TSC1: variants seen among roughly 807,000 people sequenced by gnomAD.
TSC1 encodes TSC complex subunit 1.
In TSC1, 20 loss-of-function variants were observed where a neutral mutation model predicts 124.3. The observed-to-expected ratio is 0.16, with a 90% CI of 0.11 to 0.23. The LOEUF is 0.23. TSC1 is among the 10% of genes least tolerant of loss of function. TSC1 has a pLI of 1.00. For missense variants in TSC1, 1,124 were observed against 1,448.5 expected (o/e 0.78, Z 3.64); for synonymous variants, 493 against 539.1 (o/e 0.91, Z 1.19).
At chr9:132,920,867 G>A (rs1846513941) in intron 8 of TSC1, among the ~76,000 whole-genome samples, 1 of 151,974 alleles carries the variant, frequency 6.6e-6, no homozygotes, top group South Asian at 2.1e-4. Flanking sequence ...TCAAAGGTTC[G>A]GTTTTTCCAG....
rs1188864231 is a variant in TSC1 at position 132,893,923 on chromosome 9, C to A, written c.*2312G>T. ...TATCATGTCCAAAACCAAACCAAAC[C>A]TAACTACTGACTCTGGAGTTCTTTG... On this transcript the variant is annotated 3_prime_UTR_variant, in exon 23 of 23. Transcript: ENST00000298552. 1 of 233,188 alleles carries A rather than the reference C, an allele frequency of 4.3e-6. No individual in the cohort carries two copies. The highest frequency in any genetic ancestry group is 8.5e-6 in the Non-Finnish European group (1 of 118,054). 14.4% of individuals were successfully genotyped at this position (233,188 alleles called of 1,614,324 possible).
intron 12 of TSC1, among the ~76,000 whole-genome samples, chr9:132,908,523 G>A (rs1192647082): frequency 6.6e-6 from 1 of 152,088 alleles, no homozygotes; most frequent in Non-Finnish European, 1.5e-5. Flanking sequence ...CGTGATCATG[G>A]CTCACTGCAA....
chr9:132,923,603 T>G lies in TSC1; in HGVS notation c.364-111A>C. 1.4e-6 allele frequency: 2 copies of G among 1,452,110 alleles called. No homozygotes were observed. The highest frequency in any genetic ancestry group is 1.9e-6 in the Non-Finnish European group (2 of 1,042,276). 90.0% of individuals were successfully genotyped at this position (1,452,110 alleles called of 1,614,324 possible). On this transcript the variant is annotated intron_variant, in intron 5 of 22. Coordinates refer to ENST00000298552, the MANE Select transcript of TSC1 (RefSeq NM_000368.5). The surrounding 1 kb of genome is among the most constrained non-coding windows in gnomAD (Gnocchi z 4.2). ...CACTGAGAGAATCACAAATCACAAG[T>G]TGACTCACGTACTCATTTCCCTATC...
chr9:132,914,379 T>G (rs1846152011), intron 8 of TSC1, among the ~76,000 whole-genome samples: 1 of 152,124 alleles, frequency 6.6e-6, no homozygotes, highest in African/African-American at 2.4e-5. Context: ...GAATAACTAT[T>G]ATTACACCCC....
chr9:132,921,822 G>T lies in TSC1; in HGVS notation c.660C>A (p.Val220=), dbSNP rs1588346808. ...CAAACAAGCAGTTTCAATTTACCTTGACCACTTCTTCAAAAGTCTCCAGGT... is the reference window on the plus strand; with the variant it reads ...CAAACAAGCAGTTTCAATTTACCTTTACCACTTCTTCAAAAGTCTCCAGGT... ...KENLETFEEV[V]KPMMEHVRIH... is the part of the protein sequence containing the mutation. Residue 220 remains valine (V), a synonymous_variant, in exon 7 of 23, where the codon GTC becomes GTA. Coordinates refer to ENST00000298552, the MANE Select transcript of TSC1 (RefSeq NM_000368.5). The surrounding 1 kb of genome is among the most constrained non-coding windows in gnomAD (Gnocchi z 4.3). 1 of 1,614,074 alleles carries T rather than the reference G, an allele frequency of 6.2e-7. No individual in the cohort carries two copies. The highest frequency in any genetic ancestry group is 1.1e-5 in the South Asian group (1 of 91,032).
chr9:132,932,380 T>A (rs530363204), intron 2 of TSC1, among the ~76,000 whole-genome samples: 20 of 152,308 alleles, frequency 1.3e-4, no homozygotes, highest in Admixed American at 1.0e-3. Context: ...AACCCTTTGC[T>A]ATCACCTCAG....
chr9:132,907,168 G>A lies in TSC1; in HGVS notation c.1333+133C>T, dbSNP rs138642665. 6.7e-5 allele frequency: 52 copies of A among 775,796 alleles called. No individual in the cohort carries two copies. The East Asian group carries it at 6.9e-4, about 10-fold the overall frequency. 48.1% of individuals were successfully genotyped at this position (775,796 alleles called of 1,614,324 possible). The stretch of plus-strand genomic sequence containing the variant: ...GGTTGGTGTTTAGAATTCACTACTC[G>A]TTTCATTATGTTTAGGCCTCAGTAT... On this transcript the variant is annotated intron_variant, in intron 13 of 22. Coordinates refer to ENST00000298552, the MANE Select transcript of TSC1 (RefSeq NM_000368.5).
intron 1 of TSC1, among the ~76,000 whole-genome samples, chr9:132,937,021 A>C (rs977755902): frequency 1.3e-5 from 2 of 152,260 alleles, no homozygotes; most frequent in African/African-American, 4.8e-5. Context: ...TGGTCTCTTC[A>C]GTGGCACCTG....
In TSC1 at chr9:132,895,628, G is replaced by A. The variant is rs1335309013; in HGVS notation, c.*607C>T. On this transcript the variant is annotated 3_prime_UTR_variant, in exon 23 of 23. Coordinates refer to ENST00000298552, the MANE Select transcript of TSC1 (RefSeq NM_000368.5). Reference sequence around the variant, plus strand: ...ACAGAACTTTCTAGGAAGCTTATCAGAACTGCCAAAAGAATGCAAGTATGA... The same window carrying A: ...ACAGAACTTTCTAGGAAGCTTATCAAAACTGCCAAAAGAATGCAAGTATGA... The A allele has an allele frequency of 4.3e-6, 1 of 235,098 alleles. No individual in the cohort carries two copies. Among genetic ancestry groups the A allele is most frequent in the Non-Finnish European group, 8.4e-6 (1 of 119,364 alleles). 14.6% of individuals were successfully genotyped at this position (235,098 alleles called of 1,614,324 possible).
chr9:132,920,798 G>A (rs1019305582), intron 8 of TSC1, among the ~76,000 whole-genome samples: 9 of 152,012 alleles, frequency 5.9e-5, no homozygotes, highest in Middle Eastern at 3.4e-3. Flanking sequence ...TATCTCCCTC[G>A]CTCAGTCTTA....
chr9:132,934,723 C>G (rs946197972), intron 2 of TSC1, among the ~76,000 whole-genome samples: 12 of 152,352 alleles, frequency 7.9e-5, no homozygotes, highest in Middle Eastern at 3.4e-3. Flanking sequence ...ATTGAGTCCA[C>G]TAAGTACCAG....
rs954142252 is a variant in TSC1, at chr9:132,902,368, G to GA, written c.2391+236dup. On this transcript the variant is annotated intron_variant, in intron 18 of 22. Transcript: ENST00000298552. The surrounding 1 kb of genome is among the most constrained non-coding windows in gnomAD (Gnocchi z 5.2). Reference sequence around the variant, plus strand: ...TGTTAACTGTTTCCTTTTGGCTGCAGAAAAAAAAATGACTGAGACACTAAG... The same window carrying GA: ...TGTTAACTGTTTCCTTTTGGCTGCAGAAAAAAAAAATGACTGAGACACTAAG... 1.2e-4 allele frequency among the ~76,000 whole-genome samples: 18 copies of GA among 151,026 alleles called. No homozygotes were observed. Among genetic ancestry groups the GA allele is most frequent in the African/African-American group, 3.9e-4 (16 of 41,210 alleles).
chr9:132,925,742 G>A lies in TSC1; in HGVS notation c.211-3C>T, dbSNP rs1564501920. On this transcript the variant is annotated splice_polypyrimidine_tract_variant and splice_region_variant and intron_variant, in intron 4 of 22. Transcript: ENST00000298552. The stretch of plus-strand genomic sequence containing the variant: ...TCGTTAATCCTGTCCAAGAGGTGCT[G>A]AAAATGTAAAAGAACAAGGGCAGTC... The A allele has an allele frequency of 2.5e-6, 4 of 1,614,132 alleles. No homozygotes were observed. Among genetic ancestry groups the A allele is most frequent in the Non-Finnish European group, 3.4e-6 (4 of 1,180,030 alleles).
At chr9:132,907,232 T>G in intron 13 of TSC1, 69 bp downstream of exon 13, 1 of 1,353,934 alleles carries the variant, frequency 7.4e-7, no homozygotes, top group South Asian at 1.2e-5. Flanking sequence ...CATTTAACTT[T>G]CTTTTCTTAA....
In TSC1 at chr9:132,906,590, A is replaced by T; in HGVS notation, c.1438+141T>A. Reference sequence around the variant, plus strand: ...AAAGTGGCATCACTTTACCTGGCATAGGTCCCAGACTAAACCACCCATCTT... The same window carrying T: ...AAAGTGGCATCACTTTACCTGGCATTGGTCCCAGACTAAACCACCCATCTT... On this transcript the variant is annotated intron_variant, in intron 14 of 22. Transcript: ENST00000298552. This position sits in a 1 kb window ranked among gnomAD's most constrained non-coding sequence, Gnocchi z 4.1. 4.2e-6 allele frequency: 3 copies of T among 707,080 alleles called. No homozygotes were observed. The highest frequency in any genetic ancestry group is 1.6e-5 in the South Asian group (1 of 62,890). 43.8% of individuals were successfully genotyped at this position (707,080 alleles called of 1,614,324 possible).
At chr9:132,913,868 C>CCAT (rs1185943269) in intron 8 of TSC1, among the ~76,000 whole-genome samples, 2 of 147,594 alleles carry the variant, frequency 1.4e-5, no homozygotes, top group Non-Finnish European at 3.0e-5. Context: ...TGCCAGCCTC[C>CCAT]CATGGGTTTT....
intron 3 of TSC1, 40 bp from the exon 4 acceptor site, chr9:132,927,344 T>G: frequency 6.3e-7 from 1 of 1,581,046 alleles, no homozygotes; most frequent in South Asian, 1.1e-5. Context: ...CTTATTCCCC[T>G]TAACATCCTA....
chr9:132,907,227 A>T (rs1845717884), intron 13 of TSC1, 74 bp downstream of exon 13: 4 of 1,296,050 alleles, frequency 3.1e-6, no homozygotes, highest in African/African-American at 2.9e-5. Context: ...GTTTCCATTT[A>T]ACTTTCTTTT....
In TSC1 at chr9:132,897,443, C is replaced by G; in HGVS notation, c.2793G>C (p.Glu931Asp). The change falls in exon 21 of 23, where the codon GAG becomes GAC. Residue 931 changes from glutamate to aspartate, a missense_variant. Transcript: ENST00000298552. ...HLLLEQKKYL[E>D]DVKLQARGQL... is the part of the protein sequence containing the mutation. The stretch of plus-strand genomic sequence containing the variant: ...GTTACCTTGCCTGGAGTTTGACATC[C>G]TCTAGATATTTCTTCTGTTCCAAAA... The G allele has an allele frequency of 1.2e-6, 2 of 1,614,102 alleles. No homozygotes were observed. Among genetic ancestry groups the G allele is most frequent in the Non-Finnish European group, 1.7e-6 (2 of 1,180,032 alleles).
Sources: allele counts gnomAD v4.1 joint callset (sites outside exome capture counted in the v4.1 genomes callset), GRCh38; gene constraint gnomAD v4.1.1; non-coding constraint Gnocchi (gnomAD v3.1); transcripts MANE v1.5; gene names NCBI Gene and HGNC (gene_info 2026-07-23, HGNC 2026-07-21).